Variants in SORCS1 observed in about 807,000 individuals in gnomAD.
The protein encoded by SORCS1 is sortilin related VPS10 domain containing receptor 1.
In SORCS1, 60 loss-of-function variants were observed where a neutral mutation model predicts 146.1. The ratio of observed to expected loss-of-function variants is 0.41; its 90% CI spans 0.33 to 0.51. The LOEUF is 0.51. SORCS1 is among the 20% of genes least tolerant of loss of function. SORCS1 has a pLI of 0.21. For missense variants in SORCS1, 1,352 were observed against 1,487.6 expected (o/e 0.91, Z 1.50); for synonymous variants, 637 against 584.0 (o/e 1.09, Z -1.31).
At chr10:106,926,688 T>C (rs1352645888) in intron 2 of SORCS1, among the ~76,000 whole-genome samples, 1 of 151,928 alleles carries the variant, frequency 6.6e-6, no homozygotes, top group African/African-American at 2.4e-5. Flanking sequence ...AACACAAATA[T>C]AGCAGGTTTT....
intron 3 of SORCS1, among the ~76,000 whole-genome samples, chr10:106,786,050 TATGAAG>T (rs1946039994): frequency 6.6e-6 from 1 of 152,222 alleles, no homozygotes; most frequent in Non-Finnish European, 1.5e-5. Flanking sequence ...TGCGGTGTTT[TATGAAG>T]ATGATTTTTT....
intron 17 of SORCS1, among the ~76,000 whole-genome samples, chr10:106,657,578 G>A (rs375215394): frequency 5.3e-5 from 8 of 151,414 alleles, no homozygotes; most frequent in East Asian, 3.9e-4. Flanking sequence ...CCATGTAACC[G>A]AAGACCACTT....
intron 1 of SORCS1, among the ~76,000 whole-genome samples, chr10:107,099,585 C>T (rs545149138): frequency 1.4e-4 from 22 of 152,270 alleles, no homozygotes; most frequent in African/African-American, 4.3e-4. Context: ...TCTCATGTGG[C>T]TAGTGGCTAC....
intron 2 of SORCS1, among the ~76,000 whole-genome samples, chr10:106,894,352 G>A (rs975737273): frequency 7.9e-5 from 12 of 151,328 alleles, no homozygotes; most frequent in African/African-American, 2.9e-4. Flanking sequence ...AGGGGAAAAG[G>A]TTGCTGTTAC....
At chr10:107,125,853 A>G (rs1037383061) in intron 1 of SORCS1, among the ~76,000 whole-genome samples, 2 of 152,162 alleles carry the variant, frequency 1.3e-5, no homozygotes, top group Non-Finnish European at 2.9e-5. Flanking sequence ...CAGAAGAGGT[A>G]ATTGACCACG....
chr10:106,687,153 T>A (rs537916728), intron 10 of SORCS1, among the ~76,000 whole-genome samples: 4 of 152,288 alleles, frequency 2.6e-5, no homozygotes, highest in African/African-American at 9.6e-5. Context: ...TCATTACTTA[T>A]CTGTGTGTCA....
At chr10:106,833,022 G>T (rs1412783031) in intron 2 of SORCS1, among the ~76,000 whole-genome samples, 1 of 151,998 alleles carries the variant, frequency 6.6e-6, no homozygotes, top group East Asian at 1.9e-4. Flanking sequence ...TGTGTGGGTG[G>T]GTGAGTGGGT....
At chr10:106,627,265 T>C (rs1008340432) in intron 19 of SORCS1, among the ~76,000 whole-genome samples, 3 of 152,006 alleles carry the variant, frequency 2.0e-5, no homozygotes, top group African/African-American at 7.3e-5. Context: ...CCCTGAAAAA[T>C]TTAGATCAGA....
intron 1 of SORCS1, among the ~76,000 whole-genome samples, chr10:107,108,677 C>G (rs910214965): frequency 1.3e-5 from 2 of 152,134 alleles, no homozygotes; most frequent in African/African-American, 4.8e-5. Flanking sequence ...ATGTCCTTCT[C>G]ATATTGCAAA....
chr10:106,676,367 G>A (rs1852026590), intron 13 of SORCS1, among the ~76,000 whole-genome samples: 1 of 152,176 alleles, frequency 6.6e-6, no homozygotes, highest in African/African-American at 2.4e-5. Context: ...AAGATCAGGA[G>A]AAATGAGACT....
chr10:107,006,614 G>A (rs551522118), intron 1 of SORCS1, among the ~76,000 whole-genome samples: 16 of 152,254 alleles, frequency 1.1e-4, no homozygotes, highest in African/African-American at 3.8e-4. Flanking sequence ...TCAGGAGATC[G>A]AGACCATCCT....
At chr10:106,669,777 G>A (rs944112238) in intron 16 of SORCS1, among the ~76,000 whole-genome samples, 6 of 152,206 alleles carry the variant, frequency 3.9e-5, no homozygotes, top group Non-Finnish European at 8.8e-5. Context: ...TACTTCATTC[G>A]CTCTTGGCTT....
chr10:107,097,308 T>A (rs913821507), intron 1 of SORCS1, among the ~76,000 whole-genome samples: 1 of 152,260 alleles, frequency 6.6e-6, no homozygotes, highest in Non-Finnish European at 1.5e-5. Context: ...CTTTGTTGCA[T>A]GCTTTTAAGC....
At chr10:107,001,507 T>C (rs1213770139) in intron 1 of SORCS1, among the ~76,000 whole-genome samples, 2 of 151,996 alleles carry the variant, frequency 1.3e-5, no homozygotes, top group African/African-American at 4.8e-5. Flanking sequence ...AGGAAGGAAG[T>C]AGGACATTGT....
At chr10:107,000,585 G>A (rs548953201) in intron 1 of SORCS1, among the ~76,000 whole-genome samples, 73 of 145,910 alleles carry the variant, frequency 5.0e-4, no homozygotes, top group African/African-American at 1.8e-3. Context: ...CCAGCCTGGC[G>A]ACAGAGCAGG....
At chr10:106,752,322 C>G (rs10736189) in intron 5 of SORCS1, among the ~76,000 whole-genome samples, 69,573 of 151,588 alleles carry the variant, frequency 0.46, 16,191 homozygotes, top group African/African-American at 0.56. Flanking sequence ...GGTGGGCTTT[C>G]GTATACGGCC....
rs191723821 is a variant in SORCS1, at chr10:107,084,476, G to T, written c.558+79493C>A. 3.9e-3 allele frequency among the ~76,000 whole-genome samples: 590 copies of T among 152,042 alleles called. 2 individuals carry two copies. The highest frequency in any genetic ancestry group is 0.014 in the African/African-American group (570 of 41,450). ...AAGACAAATCTCTGTTTAAGCCACG[G>T]TATGTATAAAGACTGCAGATGTGTT... is the stretch of plus-strand genomic sequence containing the variant. On this transcript the variant is annotated intron_variant, in intron 1 of 25. Coordinates refer to ENST00000263054, the MANE Select transcript of SORCS1 (RefSeq NM_052918.5).
chr10:106,633,297 TTTTA>T (rs1452813425), intron 18 of SORCS1, among the ~76,000 whole-genome samples: 1 of 152,228 alleles, frequency 6.6e-6, no homozygotes, highest in Non-Finnish European at 1.5e-5. Flanking sequence ...CTTGAATCTT[TTTTA>T]TTTCTTTGTG....
At chr10:107,039,112 A>G (rs1404054106) in intron 1 of SORCS1, among the ~76,000 whole-genome samples, 4 of 151,798 alleles carry the variant, frequency 2.6e-5, no homozygotes, top group East Asian at 1.9e-4. Context: ...GGTGGATCAC[A>G]AGGTCAGGAG....
Sources: allele counts gnomAD v4.1 joint callset (sites outside exome capture counted in the v4.1 genomes callset), GRCh38; gene constraint gnomAD v4.1.1; transcripts MANE v1.5; gene names NCBI Gene and HGNC (gene_info 2026-07-23, HGNC 2026-07-21).